Variants in COX20 observed in about 807,000 individuals in gnomAD.
COX20 encodes cytochrome c oxidase assembly protein COX20, mitochondrial.
Under a neutral mutation model 14.3 loss-of-function variants are expected in COX20, and 14 were observed. The ratio of observed to expected loss-of-function variants is 0.98; its 90% CI spans 0.65 to 1.53. The LOEUF is 1.53. Ranked by LOEUF, COX20 falls within the 40% of genes most tolerant of loss-of-function variation. The pLI, the probability that COX20 is intolerant of heterozygous loss-of-function variation, is 0.00. For missense variants in COX20, 149 were observed against 142.1 expected (o/e 1.05, Z -0.25); for synonymous variants, 56 against 51.7 (o/e 1.08, Z -0.36).
intron 1 of COX20, chr1:244,841,491 T>C (rs1404329199): frequency 6.4e-6 from 1 of 156,936 alleles, no homozygotes; most frequent in African/African-American, 2.4e-5. Context: ...GAAAGGTAAT[T>C]ACTAGGGGAA....
chr1:244,842,389 G>A (rs1680243083), intron 3 of COX20, 131 bp downstream of exon 3: 4 of 711,286 alleles, frequency 5.6e-6, no homozygotes, highest in Non-Finnish European at 1.0e-5. Flanking sequence ...GATTTTTCAG[G>A]ACATTTTCAT....
chr1:244,836,104 C>T (rs1467805157), intron 1 of COX20, among the ~76,000 whole-genome samples: 2 of 152,204 alleles, frequency 1.3e-5, no homozygotes, highest in African/African-American at 4.8e-5. Context: ...GATTAAAGCT[C>T]CGTTGAGGAC....
At chr1:244,836,213 AT>A (rs1679976650) in intron 1 of COX20, among the ~76,000 whole-genome samples, 1 of 152,000 alleles carries the variant, frequency 6.6e-6, no homozygotes, top group African/African-American at 2.4e-5. Flanking sequence ...AAGGGTTAAG[AT>A]TTCTTCCCCA....
At chr1:244,836,486 C>T (rs1679989127) in intron 1 of COX20, 2 of 1,550,242 alleles carry the variant, frequency 1.3e-6, no homozygotes, top group African/African-American at 2.7e-5. Context: ...TCTTCCCAGG[C>T]ATCTTGTACG....
In COX20 at chr1:244,843,104, T is replaced by C; in HGVS notation, c.285T>C (p.Ile95=). The change falls in exon 4 of 4, where the codon ATT becomes ATC. Residue 95 remains isoleucine, a synonymous_variant. Coordinates refer to ENST00000411948, the MANE Select transcript of COX20 (RefSeq NM_198076.6). Reference sequence around the variant, plus strand: ...AGGAAAGAATTGCCAGAGAAGAAATTAAAAAGAAGATATTATATGAAGGTA... The same window carrying C: ...AGGAAAGAATTGCCAGAGAAGAAATCAAAAAGAAGATATTATATGAAGGTA... ...RIQERIAREE[I]KKKILYEGTH... 6.3e-7 allele frequency: 1 copy of C among 1,596,912 alleles called. No individual in the cohort carries two copies.
rs374693114 is a variant in COX20 at position 244,838,797 on chromosome 1, GT to G, written c.42+3051del. Among the ~76,000 whole-genome samples the G allele has an allele frequency of 7.8e-3, 1,163 of 148,690 alleles. 14 individuals carry two copies. Among genetic ancestry groups the G allele is most frequent in the African/African-American group, 0.026 (1,062 of 40,652 alleles). Reference sequence around the variant, plus strand: ...AGAGGGGTGTATAGAGGATTTTTGGGTTTTTTTTTTGAGATGGAGTCTTCTT... The same window carrying G: ...AGAGGGGTGTATAGAGGATTTTTGGGTTTTTTTTTGAGATGGAGTCTTCTT... On this transcript the variant is annotated intron_variant, in intron 1 of 3. Coordinates refer to ENST00000411948, the MANE Select transcript of COX20 (RefSeq NM_198076.6).
At chr1:244,836,513 A>T (rs1236140202) in intron 1 of COX20, 19 of 1,550,236 alleles carry the variant, frequency 1.2e-5, no homozygotes, top group Non-Finnish European at 1.7e-5. Flanking sequence ...CATTTATCAT[A>T]TTGGAAGGTA....
chr1:244,843,305 G>A lies in COX20; in HGVS notation c.*129G>A. 2.6e-6 allele frequency: 3 copies of A among 1,152,190 alleles called. No individual in the cohort carries two copies. Among genetic ancestry groups the A allele is most frequent in the Non-Finnish European group, 3.7e-6 (3 of 818,664 alleles). 71.4% of individuals were successfully genotyped at this position (1,152,190 alleles called of 1,614,324 possible). A position where few individuals can be genotyped will look rare whatever the true frequency, so the allele number is the denominator to read the frequency against. On this transcript the variant is annotated 3_prime_UTR_variant, in exon 4 of 4. Coordinates refer to ENST00000411948, the MANE Select transcript of COX20 (RefSeq NM_198076.6). Reference sequence around the variant, plus strand: ...AGTCATTTTTTTCCCACACTTGTGTGGAATGAAAACTTGCCAGTTTATTCT... The same window carrying A: ...AGTCATTTTTTTCCCACACTTGTGTAGAATGAAAACTTGCCAGTTTATTCT...
At chr1:244,837,183 A>C (rs1680017381) in intron 1 of COX20, among the ~76,000 whole-genome samples, 1 of 152,218 alleles carries the variant, frequency 6.6e-6, no homozygotes, top group African/African-American at 2.4e-5. Context: ...ACAATACTGT[A>C]GTTGTTGAAA....
At chr1:244,835,416 G>A (rs1434800475), upstream of COX20, 4 of 342,072 alleles carry the variant, frequency 1.2e-5, no homozygotes, top group Non-Finnish European at 2.1e-5. Flanking sequence ...CACCTCGCCA[G>A]GAATCTAGGA....
Position 244,843,376 on chromosome 1 carries a change from A to G in COX20, c.*200A>G, listed in dbSNP as rs887525690. 7.4e-6 allele frequency: 4 copies of G among 538,054 alleles called. No individual in the cohort carries two copies. The highest frequency in any genetic ancestry group is 6.1e-5 in the African/African-American group (3 of 48,924). The allele number at this position is 538,054 out of a possible 1,614,324, so 33.3% of individuals were successfully genotyped here. A position where few individuals can be genotyped will look rare whatever the true frequency, so the allele number is the denominator to read the frequency against. ...GATAGCATTCTTACGTGTTACATAT[A>G]GTGGACTTGTCATCCTTAAAATGTG... On this transcript the variant is annotated 3_prime_UTR_variant, in exon 4 of 4. Coordinates refer to ENST00000411948, the MANE Select transcript of COX20 (RefSeq NM_198076.6).
intron 1 of COX20, among the ~76,000 whole-genome samples, chr1:244,838,263 ATT>A (rs1468696696): frequency 6.6e-6 from 1 of 152,194 alleles, no homozygotes; most frequent in Non-Finnish European, 1.5e-5. Flanking sequence ...GTGAAAATAT[ATT>A]TTGCAAATAC....
intron 2 of COX20, 57 bp downstream of exon 2, chr1:244,842,115 A>G: frequency 6.7e-7 from 1 of 1,500,398 alleles, no homozygotes; most frequent in Non-Finnish European, 9.3e-7. Flanking sequence ...TCTCTACATA[A>G]TGAACTATTT....
intron 1 of COX20, among the ~76,000 whole-genome samples, chr1:244,839,159 C>G (rs1680097310): frequency 6.6e-6 from 1 of 152,102 alleles, no homozygotes; most frequent in Non-Finnish European, 1.5e-5. Flanking sequence ...CTATAGAAGC[C>G]AAGCCCTTGA....
intron 3 of COX20, chr1:244,842,497 T>A: frequency 2.0e-6 from 1 of 498,612 alleles, no homozygotes; most frequent in Non-Finnish European, 3.6e-6. Context: ...GCCTCAACCA[T>A]TTCCCTTACC....
chr1:244,836,464 G>A (rs1679987848), intron 1 of COX20: 1 of 1,549,334 alleles, frequency 6.5e-7, no homozygotes, highest in African/African-American at 1.4e-5. Context: ...GCTGACTTAC[G>A]TACTTTCCCC....
chr1:244,840,768 T>C (rs1227580843), intron 1 of COX20: 3 of 152,244 alleles, frequency 2.0e-5, no homozygotes, highest in Admixed American at 2.0e-4. Context: ...CAACCTTTAA[T>C]CTGACTTGCC....
upstream of COX20, chr1:244,835,644 GC>G: frequency 8.5e-7 from 1 of 1,172,862 alleles, no homozygotes; most frequent in Non-Finnish European, 1.1e-6. Flanking sequence ...ACGGGGAGGG[GC>G]GCGGCCAGCC....
Position 244,845,053 on chromosome 1 carries a change from T to C in COX20, c.*1877T>C, listed in dbSNP as rs529531706. ...TAATACAAAATAAATGCTATGTAAA[T>C]GTAATTATTATACTGTGTATTTTTG... On this transcript the variant is annotated 3_prime_UTR_variant, in exon 4 of 4. Transcript: ENST00000411948. The C allele has an allele frequency of 6.0e-6, 1 of 166,574 alleles. No individual in the cohort carries two copies. Among genetic ancestry groups the C allele is most frequent in the East Asian group, 1.9e-4 (1 of 5,192 alleles). 10.3% of individuals were successfully genotyped at this position (166,574 alleles called of 1,614,324 possible). A position where few individuals can be genotyped will look rare whatever the true frequency, so the allele number is the denominator to read the frequency against.
Sources: allele counts gnomAD v4.1 joint callset (sites outside exome capture counted in the v4.1 genomes callset), GRCh38; gene constraint gnomAD v4.1.1; transcripts MANE v1.5; gene names NCBI Gene and HGNC (gene_info 2026-07-23, HGNC 2026-07-21).